Variants in FER observed in about 807,000 individuals in gnomAD.
The protein encoded by FER is tyrosine-protein kinase Fer.
A neutral mutation model predicts 111.0 loss-of-function variants in FER; 63 were observed. The ratio of observed to expected loss-of-function variants is 0.57; its 90% CI spans 0.46 to 0.70. The LOEUF (loss-of-function observed/expected upper bound fraction) is 0.70, where lower values mean the gene tolerates loss of function less well. Among genes scored for constraint, FER ranks in the 30% least tolerant of loss-of-function variants. FER has a pLI of 0.00. For synonymous variants in FER, 327 were observed against 313.9 expected, an observed-to-expected ratio of 1.04 and a Z score of -0.44; for missense variants, 914 against 954.0, an observed-to-expected ratio of 0.96 and a Z score of 0.55.
intron 13 of FER, among the ~76,000 whole-genome samples, chr5:109,005,093 C>T (rs1318202740): frequency 2.0e-5 from 3 of 152,042 alleles, no homozygotes; most frequent in Admixed American, 2.0e-4. Context: ...TACCAGAATC[C>T]AGTGTGTGCC....
At chr5:108,837,636 T>C (rs1760808801) in intron 5 of FER, among the ~76,000 whole-genome samples, 1 of 152,198 alleles carries the variant, frequency 6.6e-6, no homozygotes, top group Non-Finnish European at 1.5e-5. Context: ...AATACATAAG[T>C]ACTTTCAAGT....
At chr5:109,019,643 G>A (rs1416002208) in intron 13 of FER, among the ~76,000 whole-genome samples, 2 of 151,702 alleles carry the variant, frequency 1.3e-5, no homozygotes, top group Non-Finnish European at 3.0e-5. Flanking sequence ...TGTTTTACAA[G>A]CTCTCCAGTT....
chr5:108,920,956 T>C (rs1334565795), intron 10 of FER, among the ~76,000 whole-genome samples: 2 of 152,132 alleles, frequency 1.3e-5, no homozygotes, highest in African/African-American at 4.8e-5. Context: ...ATTGAGGTCT[T>C]ACTGTCCTTT....
intron 3 of FER, chr5:108,820,001 T>C: frequency 1.0e-6 from 1 of 984,720 alleles, no homozygotes; most frequent in Non-Finnish European, 1.2e-6. Flanking sequence ...CTACAGGAAA[T>C]AGAAAATAAC....
chr5:108,897,994 A>G, intron 10 of FER, 146 bp downstream of exon 10: 1 of 719,022 alleles, frequency 1.4e-6, no homozygotes, highest in Non-Finnish European at 2.1e-6. Context: ...AATGCAAAAT[A>G]GACTTGTCAG....
chr5:108,957,697 A>AATC (rs1758610641), intron 12 of FER, among the ~76,000 whole-genome samples: 1 of 151,614 alleles, frequency 6.6e-6, no homozygotes, highest in Non-Finnish European at 1.5e-5. Flanking sequence ...ATAAGGAATC[A>AATC]ATCTGTGTCC....
chr5:108,760,834 A>G (rs185295830), intron 1 of FER, among the ~76,000 whole-genome samples: 1 of 152,124 alleles, frequency 6.6e-6, no homozygotes, highest in African/African-American at 2.4e-5. Context: ...TTGCGTGTTC[A>G]CTGGAGGAGC....
chr5:108,996,600 A>G (rs562586398), intron 13 of FER, among the ~76,000 whole-genome samples: 30 of 152,106 alleles, frequency 2.0e-4, no homozygotes, highest in African/African-American at 7.2e-4. Context: ...TGAGGCCTCT[A>G]TTCTGTTCCG....
At chr5:109,041,019 A>G (rs1771101124) in intron 14 of FER, among the ~76,000 whole-genome samples, 1 of 152,172 alleles carries the variant, frequency 6.6e-6, no homozygotes, top group Non-Finnish European at 1.5e-5. Flanking sequence ...TCAGCTAAGA[A>G]TGAGGATGGG....
At chr5:109,168,355 A>C (rs72798574) in intron 17 of FER, among the ~76,000 whole-genome samples, 1 of 151,840 alleles carries the variant, frequency 6.6e-6, no homozygotes. Flanking sequence ...GATGGGGCCT[A>C]GTCACCAGAA....
intron 13 of FER, among the ~76,000 whole-genome samples, chr5:109,030,628 C>G (rs772965550): frequency 3.3e-5 from 5 of 152,106 alleles, no homozygotes; most frequent in African/African-American, 4.8e-5. Flanking sequence ...GGGAATTCCC[C>G]AAGTCTGGGC....
At chr5:108,861,695 TAAG>T (rs1160673166) in intron 5 of FER, among the ~76,000 whole-genome samples, 1 of 152,204 alleles carries the variant, frequency 6.6e-6, no homozygotes, top group Non-Finnish European at 1.5e-5. Context: ...ATTTAAAAGT[TAAG>T]AAAGTATATT....
intron 16 of FER, among the ~76,000 whole-genome samples, chr5:109,096,918 A>C (rs1365395735): frequency 6.7e-6 from 1 of 150,022 alleles, no homozygotes; most frequent in East Asian, 1.9e-4. Flanking sequence ...CAACAACAAT[A>C]ATAGTAATAG....
intron 13 of FER, among the ~76,000 whole-genome samples, chr5:108,994,198 CATGCCT>C (rs1763700469): frequency 6.6e-6 from 1 of 152,034 alleles, no homozygotes; most frequent in South Asian, 2.1e-4. Flanking sequence ...AATCTTTGCC[CATGCCT>C]ATGCCCCACA....
In FER at chr5:108,992,401, A is replaced by C. The variant is rs561284559; in HGVS notation, c.1656+33054A>C. Among the ~76,000 whole-genome samples the C allele has an allele frequency of 7.7e-3, 1,167 of 152,246 alleles. 11 individuals are homozygous for C. The highest frequency in any genetic ancestry group is 0.027 in the African/African-American group (1,142 of 41,556). ...CAATGAGCTGTTGGGTACACCTCCC[A>C]GACGGGGTGGTGGCCAGGCAGAGGG... On this transcript the variant is annotated intron_variant, in intron 13 of 19. Transcript: ENST00000281092.
chr5:109,158,075 G>A (rs761780466), intron 17 of FER, among the ~76,000 whole-genome samples: 6 of 152,038 alleles, frequency 3.9e-5, no homozygotes, highest in East Asian at 3.9e-4. Context: ...AAAAACAGGC[G>A]TGTATCTATT....
chr5:108,926,234 T>C (rs1223222108), intron 10 of FER, among the ~76,000 whole-genome samples: 2 of 151,740 alleles, frequency 1.3e-5, no homozygotes, highest in African/African-American at 2.4e-5. Context: ...AATATTTTTC[T>C]ATGTATTTTT....
chr5:108,974,908 T>C (rs922976321), intron 13 of FER, among the ~76,000 whole-genome samples: 1 of 152,216 alleles, frequency 6.6e-6, no homozygotes, highest in Non-Finnish European at 1.5e-5. Context: ...TCTGGACTTT[T>C]GACCTCCAGA....
intron 17 of FER, among the ~76,000 whole-genome samples, chr5:109,110,071 A>G (rs1749419527): frequency 6.6e-6 from 1 of 152,060 alleles, no homozygotes; most frequent in South Asian, 2.1e-4. Flanking sequence ...TCATATCTCC[A>G]TAGTCTGCTA....
Sources: gnomAD v4.1 joint callset for allele counts (sites outside exome capture counted in the v4.1 genomes callset) on GRCh38, gnomAD v4.1.1 for gene constraint, MANE v1.5 for transcripts, NCBI Gene and HGNC (gene_info 2026-07-23, HGNC 2026-07-21) for gene names.